PM20D2: variants seen among roughly 807,000 people sequenced by gnomAD.
PM20D2 encodes the protein peptidase M20 domain containing 2.
PM20D2 carries 33 observed loss-of-function variants against 42.9 expected under a neutral mutation model. That is an observed-to-expected ratio of 0.77 (90% CI 0.58 to 1.03). The LOEUF (loss-of-function observed/expected upper bound fraction) is 1.03, where lower values mean the gene tolerates loss of function less well. PM20D2 is among the 50% of genes least tolerant of loss of function. The pLI is 0.00. For synonymous variants in PM20D2, 250 were observed against 228.2 expected (o/e 1.10, Z -0.86); for missense variants, 548 against 557.0 (o/e 0.98, Z 0.16).
At chr6:89,098,823 T>C in the PM20D2 span, 1 of 1,614,032 alleles carries the variant, frequency 6.2e-7, no homozygotes, top group South Asian at 1.1e-5. Flanking sequence ...GACTTGGACC[T>C]TGACCGTCCT....
chr6:89,164,048 T>G lies in PM20D2; in HGVS notation c.*1785T>G, dbSNP rs1771330614. On this transcript the variant is annotated 3_prime_UTR_variant, in exon 7 of 7. Coordinates refer to ENST00000275072, the MANE Select transcript of PM20D2 (RefSeq NM_001010853.3). ...ATGTAATAGTGAGTATAGCTAATATTTAGTATGCCTTTTAAAAATTTTGGA... is the reference window on the plus strand; with the variant it reads ...ATGTAATAGTGAGTATAGCTAATATGTAGTATGCCTTTTAAAAATTTTGGA... The G allele has an allele frequency of 6.6e-6, 1 of 152,142 alleles. No homozygotes were observed. Among genetic ancestry groups the G allele is most frequent in the African/African-American group, 2.4e-5 (1 of 41,424 alleles). The allele number at this position is 152,142 out of a possible 1,614,324, so 9.4% of individuals were successfully genotyped here.
chr6:89,157,317 G>A (rs574885212), intron 4 of PM20D2, among the ~76,000 whole-genome samples: 136 of 152,184 alleles, frequency 8.9e-4, no homozygotes, highest in African/African-American at 3.1e-3. Flanking sequence ...AATTTCTACC[G>A]TAGATGTTGC....
intron 1 of PM20D2, 121 bp from the exon 2 acceptor site, chr6:89,149,144 A>G (rs570221913): frequency 8.0e-7 from 1 of 1,256,064 alleles, no homozygotes; most frequent in Admixed American, 2.4e-5. Flanking sequence ...CATAGAACAA[A>G]ACCTGTCTTA....
the PM20D2 span, among the ~76,000 whole-genome samples, chr6:89,126,118 G>A: frequency 6.6e-6 from 1 of 152,060 alleles, no homozygotes; most frequent in African/African-American, 2.4e-5. Flanking sequence ...TTCTTGGCTG[G>A]GCATGGTGTC....
the PM20D2 span, among the ~76,000 whole-genome samples, chr6:89,119,843 G>A: frequency 6.6e-6 from 1 of 152,158 alleles, no homozygotes; most frequent in Non-Finnish European, 1.5e-5. Flanking sequence ...TTTAGATGGA[G>A]TCTATGTTGC....
chr6:89,146,050 G>C (rs189810687), upstream of PM20D2: 4 of 1,110,866 alleles, frequency 3.6e-6, no homozygotes, highest in Non-Finnish European at 4.7e-6. Flanking sequence ...CGCTCCGCCG[G>C]GGTCCTGGAG....
Position 89,146,315 on chromosome 6 carries a change from T to C in PM20D2, c.171T>C (p.His57=). Residue 57 remains histidine, a synonymous_variant, in exon 1 of 7, where the codon CAT becomes CAC. Coordinates refer to ENST00000275072, the MANE Select transcript of PM20D2 (RefSeq NM_001010853.3). ...SQPELAYEEH[H]AHRVLTHFFE... ...CCGAGCTGGCCTACGAGGAGCACCA[T>C]GCCCACCGCGTGCTGACGCACTTCT... The C allele has an allele frequency of 1.3e-6, 2 of 1,579,526 alleles. No individual in the cohort carries two copies. The highest frequency in any genetic ancestry group is 2.3e-5 in the East Asian group (1 of 43,994).
chr6:89,161,325 A>C (rs1009058913), intron 5 of PM20D2, among the ~76,000 whole-genome samples: 1 of 152,214 alleles, frequency 6.6e-6, no homozygotes, highest in Admixed American at 6.5e-5. Flanking sequence ...ACATACGGAC[A>C]AAATCTTGAG....
At position 89,164,721 on chromosome 6, in the gene PM20D2, CAA is replaced by C. The variant is rs569069136; in HGVS notation, c.*2459_*2460del. On this transcript the variant is annotated 3_prime_UTR_variant, in exon 7 of 7. Coordinates refer to ENST00000275072, the MANE Select transcript of PM20D2 (RefSeq NM_001010853.3). Reference sequence around the variant, plus strand: ...GAAATTGTAGAAAACTGAAAGAAAACAAGACAAAATGTCTATGGTAGGGAATA... The same window carrying C: ...GAAATTGTAGAAAACTGAAAGAAAACGACAAAATGTCTATGGTAGGGAATA... The C allele has an allele frequency of 2.0e-5, 3 of 152,178 alleles. No individual in the cohort carries two copies. The highest frequency in any genetic ancestry group is 2.1e-4 in the South Asian group (1 of 4,808). The allele number at this position is 152,178 out of a possible 1,614,324, so 9.4% of individuals were successfully genotyped here.
upstream of PM20D2, among the ~76,000 whole-genome samples, chr6:89,141,421 A>G (rs1427065499): frequency 2.0e-5 from 3 of 152,140 alleles, no homozygotes. Flanking sequence ...GCTGGAGTGC[A>G]GTGACACAAT....
At chr6:89,155,969 C>G (rs1230146570) in intron 4 of PM20D2, among the ~76,000 whole-genome samples, 1 of 151,806 alleles carries the variant, frequency 6.6e-6, no homozygotes, top group African/African-American at 2.4e-5. Flanking sequence ...ACTGCAACCT[C>G]TGCCTCCCAG....
chr6:89,101,380 C>T, the PM20D2 span, among the ~76,000 whole-genome samples: 1 of 152,162 alleles, frequency 6.6e-6, no homozygotes, highest in African/African-American at 2.4e-5. Context: ...AAGAAAACTA[C>T]ACTGGGCACA....
At chr6:89,104,564 T>C in the PM20D2 span, among the ~76,000 whole-genome samples, 1 of 151,968 alleles carries the variant, frequency 6.6e-6, no homozygotes, top group South Asian at 2.1e-4. Context: ...ACTTTTTTTT[T>C]CTGCTCACTA....
At chr6:89,120,046 G>C in the PM20D2 span, among the ~76,000 whole-genome samples, 1 of 152,208 alleles carries the variant, frequency 6.6e-6, no homozygotes, top group Non-Finnish European at 1.5e-5. Flanking sequence ...CAGAGAATGA[G>C]AGCCAAGCGA....
intron 2 of PM20D2, among the ~76,000 whole-genome samples, chr6:89,151,059 G>A (rs1208496232): frequency 6.7e-6 from 1 of 149,660 alleles, no homozygotes; most frequent in Non-Finnish European, 1.5e-5. Context: ...GCTGAGCCAG[G>A]AGAATTGCAT....
the PM20D2 span, among the ~76,000 whole-genome samples, chr6:89,102,261 A>G: frequency 3.9e-5 from 6 of 152,064 alleles, no homozygotes; most frequent in Non-Finnish European, 4.4e-5. Context: ...CTCCTGCCTC[A>G]ACCTCCCAAG....
At chr6:89,115,351 G>A in the PM20D2 span, among the ~76,000 whole-genome samples, 1 of 151,864 alleles carries the variant, frequency 6.6e-6, no homozygotes, top group African/African-American at 2.4e-5. Flanking sequence ...GCCTGATCTC[G>A]GCTCACTGCC....
chr6:89,122,847 A>G, the PM20D2 span, among the ~76,000 whole-genome samples: 1 of 152,342 alleles, frequency 6.6e-6, no homozygotes, highest in South Asian at 2.1e-4. Flanking sequence ...TCTTAAAACA[A>G]ACCATGAAGA....
chr6:89,130,050 TA>T, the PM20D2 span, among the ~76,000 whole-genome samples: 95,142 of 149,040 alleles, frequency 0.64, 31,209 homozygotes, highest in South Asian at 0.75. Flanking sequence ...TCTTCTAAAT[TA>T]AAAAAAAAAA....
Sources: allele counts gnomAD v4.1 joint callset (sites outside exome capture counted in the v4.1 genomes callset), GRCh38; gene constraint gnomAD v4.1.1; transcripts MANE v1.5; gene names NCBI Gene and HGNC (gene_info 2026-07-23, HGNC 2026-07-21).